The following CELF2 variants were observed in gnomAD, a reference collection of about 807,000 sequenced individuals.
CELF2 encodes the protein CUGBP Elav-like family member 2.
Under a neutral mutation model 62.6 loss-of-function variants are expected in CELF2, and 8 were observed. That is an observed-to-expected ratio of 0.13 (90% CI 0.07 to 0.23). The LOEUF (loss-of-function observed/expected upper bound fraction) is 0.23, where lower values mean the gene tolerates loss of function less well. CELF2 is among the 10% of genes least tolerant of loss of function. The pLI is 1.00. For missense variants in CELF2, 333 were observed against 671.0 expected (o/e 0.50, Z 5.56); for synonymous variants, 258 against 250.0 (o/e 1.03, Z -0.30).
At chr10:11,282,119 C>T (rs1032424982) in intron 8 of CELF2, among the ~76,000 whole-genome samples, 1 of 152,204 alleles carries the variant, frequency 6.6e-6, no homozygotes. Context: ...CTATGCTGGA[C>T]CAGCCCTTTC....
upstream of CELF2, among the ~76,000 whole-genome samples, chr10:11,004,573 A>G (rs1439967131): frequency 6.6e-6 from 1 of 152,132 alleles, no homozygotes. The surrounding 1 kb of genome is among the most constrained non-coding windows in gnomAD (Gnocchi z 5.0). Context: ...TTATTTTAGA[A>G]AAGAGCAACT....
chr10:10,549,493 A>C, the CELF2 span, among the ~76,000 whole-genome samples: 1 of 152,222 alleles, frequency 6.6e-6, no homozygotes, highest in African/African-American at 2.4e-5. Context: ...CATGTTGGCC[A>C]GGCTGGTCTC....
intron 1 of CELF2, among the ~76,000 whole-genome samples, chr10:10,891,211 T>A (rs969568320): frequency 6.6e-6 from 1 of 152,162 alleles, no homozygotes; most frequent in African/African-American, 2.4e-5. Context: ...CATACATTAA[T>A]GTAAGCAACT....
chr10:11,144,934 G>A (rs73575672), intron 1 of CELF2, among the ~76,000 whole-genome samples: 16,116 of 142,558 alleles, frequency 0.11, 1,132 homozygotes, highest in African/African-American at 0.19. Context: ...GGCACCCCTC[G>A]CCAAGCCCTG....
At chr10:11,326,689 A>AT (rs1310286424) in intron 12 of CELF2, among the ~76,000 whole-genome samples, 2 of 152,126 alleles carry the variant, frequency 1.3e-5, no homozygotes, top group African/African-American at 2.4e-5. Flanking sequence ...TCCTTGTTTC[A>AT]TTTTTCAAAC....
chr10:11,257,951 C>T lies in CELF2; in HGVS notation c.538+79C>T. On this transcript the variant is annotated intron_variant, in intron 5 of 12. Transcript: ENST00000633077. ...GTCACAGTCGAGACAGATGTAGGCA[C>T]CGCACACGGCAAGAGGTCACCCTGT... 5 of 1,537,854 alleles carry T rather than the reference C, an allele frequency of 3.3e-6. No individual in the cohort carries two copies. The South Asian group carries it at 5.8e-5, about 18-fold the overall frequency.
intron 1 of CELF2, among the ~76,000 whole-genome samples, chr10:10,818,019 C>G (rs891530601): frequency 2.0e-5 from 3 of 152,274 alleles, no homozygotes; most frequent in Middle Eastern, 3.4e-3. Flanking sequence ...ATGGTACTCA[C>G]CCACCCACTC....
At position 11,324,634 on chromosome 10, in the gene CELF2, CTTTGT is replaced by C. The variant is rs2095628588; in HGVS notation, c.1295-1201_1295-1197del. Among the ~76,000 whole-genome samples the C allele has an allele frequency of 6.6e-6, 1 of 152,226 alleles. No individual in the cohort carries two copies. ...TCCATAGTTTGCCTCAAGAAGTTTT[CTTTGT>C]GAAAAGTCCCAATCATTAGGATACT... On this transcript the variant is annotated intron_variant, in intron 11 of 12. Transcript: ENST00000633077. The surrounding 1 kb of genome is among the most constrained non-coding windows in gnomAD (Gnocchi z 4.7).
At chr10:11,284,091 T>A (rs865982956) in intron 8 of CELF2, among the ~76,000 whole-genome samples, 1,888 of 131,592 alleles carry the variant, frequency 0.014, 35 homozygotes, top group Non-Finnish European at 0.02. Context: ...GATGGAGGAG[T>A]GGGTGGATGA....
the CELF2 span, among the ~76,000 whole-genome samples, chr10:10,756,568 C>T: frequency 6.6e-6 from 1 of 152,206 alleles, no homozygotes; most frequent in East Asian, 1.9e-4. Flanking sequence ...CATCAGGGAT[C>T]CCTTAGATTC....
chr10:11,153,379 T>C (rs17149653), intron 1 of CELF2, among the ~76,000 whole-genome samples: 22,476 of 152,162 alleles, frequency 0.15, 1,802 homozygotes, highest in African/African-American at 0.21. Flanking sequence ...CTTATAATTT[T>C]CTAGAGCTGA....
At chr10:10,677,706 G>A in the CELF2 span, among the ~76,000 whole-genome samples, 1 of 152,268 alleles carries the variant, frequency 6.6e-6, no homozygotes, top group African/African-American at 2.4e-5. Flanking sequence ...CTCTTTGCTT[G>A]GAAGCAGCCT....
chr10:10,666,584 C>G, the CELF2 span, among the ~76,000 whole-genome samples: 1 of 88,910 alleles, frequency 1.1e-5, no homozygotes, highest in Non-Finnish European at 2.3e-5. Context: ...AGAAAGAGGC[C>G]GGGCGCGGTG....
At chr10:11,299,534 C>A (rs59624835) in intron 9 of CELF2, among the ~76,000 whole-genome samples, 17,053 of 152,100 alleles carry the variant, frequency 0.11, 1,232 homozygotes, top group African/African-American at 0.2. Context: ...TCCTGAGAAG[C>A]CCCTGTCCTT....
At chr10:11,175,493 T>C (rs1397671739) in intron 2 of CELF2, among the ~76,000 whole-genome samples, 2 of 152,222 alleles carry the variant, frequency 1.3e-5, no homozygotes, top group Non-Finnish European at 2.9e-5. Context: ...CTGCTGCTGA[T>C]GTTTAAAATG....
the CELF2 span, among the ~76,000 whole-genome samples, chr10:10,657,756 A>G: frequency 1.3e-5 from 2 of 152,168 alleles, no homozygotes; most frequent in South Asian, 2.1e-4. Flanking sequence ...AAGGTTTTCC[A>G]TTGTATTCAT....
chr10:11,063,493 A>G (rs1461007939), intron 1 of CELF2, among the ~76,000 whole-genome samples: 2 of 152,240 alleles, frequency 1.3e-5, no homozygotes, highest in Non-Finnish European at 2.9e-5. Context: ...AGCGCTGTGC[A>G]TAGCATTTCT....
At chr10:11,058,461 G>GTTTTTTTT (rs67113152) in intron 1 of CELF2, among the ~76,000 whole-genome samples, 65 of 116,790 alleles carry the variant, frequency 5.6e-4, no homozygotes, top group East Asian at 9.2e-4. Context: ...TTTTTTGTTG[G>GTTTTTTTT]TTTTTTTTTT....
At chr10:10,921,672 A>G (rs1054503655) in intron 2 of CELF2, among the ~76,000 whole-genome samples, 1 of 152,160 alleles carries the variant, frequency 6.6e-6, no homozygotes, top group Non-Finnish European at 1.5e-5. Context: ...GCAAGAGGGC[A>G]CGGGATCCAG....
Sources: allele counts gnomAD v4.1 joint callset (sites outside exome capture counted in the v4.1 genomes callset), GRCh38; gene constraint gnomAD v4.1.1; non-coding constraint Gnocchi (gnomAD v3.1); transcripts MANE v1.5; gene names NCBI Gene and HGNC (gene_info 2026-07-23, HGNC 2026-07-21).